The following NRM variants were observed in gnomAD, a reference collection of about 807,000 sequenced individuals.
The protein encoded by NRM is nurim.
NRM carries 19 observed loss-of-function variants against 23.4 expected under a neutral mutation model. The ratio of observed to expected loss-of-function variants is 0.81; its 90% CI spans 0.57 to 1.19. The LOEUF (loss-of-function observed/expected upper bound fraction) is 1.19, where lower values mean the gene tolerates loss of function less well. Among genes scored for constraint, NRM ranks in the 50% most tolerant of loss-of-function variants. The pLI is 0.00. For synonymous variants in NRM, 140 were observed against 143.5 expected, an observed-to-expected ratio of 0.98 and a Z score of 0.17; for missense variants, 232 against 329.7, an observed-to-expected ratio of 0.70 and a Z score of 2.30.
Position 30,690,686 on chromosome 6 carries a change from T to A in NRM, c.133+156A>T, listed in dbSNP as rs1263045065. 1.2e-6 allele frequency: 2 copies of A among 1,609,466 alleles called. No individual in the cohort carries two copies. The highest frequency in any genetic ancestry group is 2.7e-5 in the African/African-American group (2 of 74,956). On this transcript the variant is annotated intron_variant, in intron 1 of 3. Coordinates refer to ENST00000376421, the MANE Select transcript of NRM (RefSeq NM_001384369.1). This position sits in a 1 kb window ranked among gnomAD's most constrained non-coding sequence, Gnocchi z 5.5. ...AATCCTTGAGTTCCTAATTTAGAACTCAGGTCTCCCTCCCCTGTAGCTTCT... is the reference window on the plus strand; with the variant it reads ...AATCCTTGAGTTCCTAATTTAGAACACAGGTCTCCCTCCCCTGTAGCTTCT...
At position 30,690,928 on chromosome 6, in the gene NRM, A is replaced by C; in HGVS notation, c.47T>G (p.Ile16Ser). The change falls in exon 1 of 4, where the codon ATC becomes AGC. Residue 16 changes from isoleucine (I) to serine (S), a missense_variant. Coordinates refer to ENST00000376421, the MANE Select transcript of NRM (RefSeq NM_001384369.1). The surrounding 1 kb of genome is among the most constrained non-coding windows in gnomAD (Gnocchi z 5.5). ...LLIPAALASF[I>S]LAFGTGVEFV... ...CTCCACTCCGGTGCCAAAGGCCAGG[A>C]TGAAAGAGGCGAGGGCAGCAGGGAT... 6.5e-7 allele frequency: 1 copy of C among 1,548,556 alleles called. No individual in the cohort carries two copies. The highest frequency in any genetic ancestry group is 8.8e-7 in the Non-Finnish European group (1 of 1,139,402).
At position 30,688,624 on chromosome 6, in the gene NRM, G is replaced by A. The variant is rs764790055; in HGVS notation, c.*37C>T. The A allele has an allele frequency of 1.9e-6, 3 of 1,595,792 alleles. No individual in the cohort carries two copies. Among genetic ancestry groups the A allele is most frequent in the South Asian group, 1.1e-5 (1 of 88,678 alleles). On this transcript the variant is annotated 3_prime_UTR_variant, in exon 4 of 4. Coordinates refer to ENST00000376421, the MANE Select transcript of NRM (RefSeq NM_001384369.1). The surrounding 1 kb of genome is among the most constrained non-coding windows in gnomAD (Gnocchi z 5.9). The stretch of plus-strand genomic sequence containing the variant: ...ATGTTAAGGATTTAGAATTCAGTGG[G>A]AGAGGAAGAACAGGGCTTGTAACCA...
At position 30,690,766 on chromosome 6, in the gene NRM, C is replaced by A; in HGVS notation, c.133+76G>T. The A allele has an allele frequency of 6.2e-7, 1 of 1,611,876 alleles. No homozygotes were observed. The highest frequency in any genetic ancestry group is 8.5e-7 in the Non-Finnish European group (1 of 1,179,354). On this transcript the variant is annotated intron_variant, in intron 1 of 3. Coordinates refer to ENST00000376421, the MANE Select transcript of NRM (RefSeq NM_001384369.1). This position sits in a 1 kb window ranked among gnomAD's most constrained non-coding sequence, Gnocchi z 5.5. ...CTTGGACTTCCCCTGTCATTTGTTT[C>A]CAAGCCCCGCCCTCAATCCCTCTCC... is the stretch of plus-strand genomic sequence containing the variant.
At position 30,688,697 on chromosome 6, in the gene NRM, G is replaced by A; in HGVS notation, c.753C>T (p.His251=). 2 of 1,613,998 alleles carry A rather than the reference G, an allele frequency of 1.2e-6. No homozygotes were observed. Among genetic ancestry groups the A allele is most frequent in the Non-Finnish European group, 1.7e-6 (2 of 1,180,002 alleles). ...YLRAQLQRKL[H]LLSRPQDGEA... is the part of the protein sequence containing the mutation. ...CCCCATCCTGGGGCCGAGAGAGCAG[G>A]TGGAGTTTTCTTTGTAGCTGGGCCC... Residue 251 remains histidine, a synonymous_variant, in exon 4 of 4, where the codon CAC becomes CAT. Transcript: ENST00000376421. The surrounding 1 kb of genome is among the most constrained non-coding windows in gnomAD (Gnocchi z 5.9).
In NRM at chr6:30,688,653, T is replaced by C. The variant is rs750465852; in HGVS notation, c.*8A>G. ...GGAAGAACAGGGCTTGTAACCAGAGTGAGCTCCTCACTCTGCCTCCCCATC... is the reference window on the plus strand; with the variant it reads ...GGAAGAACAGGGCTTGTAACCAGAGCGAGCTCCTCACTCTGCCTCCCCATC... On this transcript the variant is annotated 3_prime_UTR_variant, in exon 4 of 4. Coordinates refer to ENST00000376421, the MANE Select transcript of NRM (RefSeq NM_001384369.1). The surrounding 1 kb of genome is among the most constrained non-coding windows in gnomAD (Gnocchi z 5.9). 1.2e-6 allele frequency: 2 copies of C among 1,611,860 alleles called. No individual in the cohort carries two copies. The highest frequency in any genetic ancestry group is 1.7e-6 in the Non-Finnish European group (2 of 1,178,784).
rs545001218 is a variant in NRM at position 30,689,324 on chromosome 6, A to G, written c.459T>C (p.Phe153=). The change falls in exon 3 of 4, where the codon TTT becomes TTC. Residue 153 remains phenylalanine (F), a synonymous_variant. Coordinates refer to ENST00000376421, the MANE Select transcript of NRM (RefSeq NM_001384369.1). This position sits in a 1 kb window ranked among gnomAD's most constrained non-coding sequence, Gnocchi z 4.7. ...CATAGTCAAAGACGAGAAGGATGCT[A>G]AAGATGAGGAGCCAGGAGATGACAT... ...VLHVISWLLI[F]SILLVFDYAE... is the part of the protein sequence containing the mutation. The G allele has an allele frequency of 2.6e-6, 4 of 1,555,646 alleles. No homozygotes were observed. In the African/African-American group the frequency reaches 4.1e-5, roughly 16 times the overall value.
rs775527234 is a variant in NRM, at chr6:30,690,227, C to G, written c.150G>C (p.Trp50Cys). 7.0e-6 allele frequency: 11 copies of G among 1,571,394 alleles called. No homozygotes were observed. Among genetic ancestry groups the G allele is most frequent in the Non-Finnish European group, 8.6e-6 (10 of 1,166,344 alleles). Reference protein sequence around the residue: ...ESGGPDARQGWLAALQDRSIL... With the variant: ...ESGGPDARQGCLAALQDRSIL... ...TGCTGCGGTCCTGCAGGGCAGCCAG[C>G]CATCCCTGGCGGGCATCTACAGGAA... The change falls in exon 2 of 4, where the codon TGG becomes TGC. Residue 50 changes from tryptophan (W) to cysteine (C), a missense_variant. Trp to Cys is a radical substitution (Grantham distance 215, BLOSUM62 -2). Transcript: ENST00000376421. This position sits in a 1 kb window ranked among gnomAD's most constrained non-coding sequence, Gnocchi z 5.5.
In NRM at chr6:30,688,523, A is replaced by G; in HGVS notation, c.*138T>C. 1 of 971,372 alleles carries G rather than the reference A, an allele frequency of 1.0e-6. No individual in the cohort carries two copies. Among genetic ancestry groups the G allele is most frequent in the South Asian group, 1.6e-5 (1 of 62,468 alleles). 60.2% of individuals were successfully genotyped at this position (971,372 alleles called of 1,614,324 possible). A position where few individuals can be genotyped will look rare whatever the true frequency, so the allele number is the denominator to read the frequency against. On this transcript the variant is annotated 3_prime_UTR_variant, in exon 4 of 4. Coordinates refer to ENST00000376421, the MANE Select transcript of NRM (RefSeq NM_001384369.1). This position sits in a 1 kb window ranked among gnomAD's most constrained non-coding sequence, Gnocchi z 5.9. Reference sequence around the variant, plus strand: ...GGTATGGAGCTGGACCCAGAGAATAAAGTCTCAAGTAGTAGAAGGGGCATC... The same window carrying G: ...GGTATGGAGCTGGACCCAGAGAATAGAGTCTCAAGTAGTAGAAGGGGCATC...
Position 30,688,758 on chromosome 6 carries a change from G to A in NRM, c.692C>T (p.Ala231Val), listed in dbSNP as rs1289238565. 1.2e-5 allele frequency: 20 copies of A among 1,613,866 alleles called. No individual in the cohort carries two copies. The highest frequency in any genetic ancestry group is 1.7e-5 in the Non-Finnish European group (20 of 1,180,010). The change falls in exon 4 of 4, where the codon GCT (alanine) becomes GTT (valine). Residue 231 changes from alanine (A) to valine (V), a missense_variant. By Grantham distance (64) the Ala-to-Val change is moderately conservative. Transcript: ENST00000376421. The surrounding 1 kb of genome is among the most constrained non-coding windows in gnomAD (Gnocchi z 5.9). ...AFLLTLYLGL[A>V]HGLDQQDLRY... ...GAGGTCTTGCTGATCAAGCCCGTGA[G>A]CCAGGCCCAGGTAGAGGGTAAGGAG...
Position 30,689,339 on chromosome 6 carries a change from G to C in NRM, c.444C>G (p.Ser148=). The C allele has an allele frequency of 6.4e-7, 1 of 1,556,788 alleles. No individual in the cohort carries two copies. The highest frequency in any genetic ancestry group is 8.7e-7 in the Non-Finnish European group (1 of 1,149,712). The change falls in exon 3 of 4, where the codon TCC becomes TCG. Residue 148 remains serine, a synonymous_variant. Transcript: ENST00000376421. This position sits in a 1 kb window ranked among gnomAD's most constrained non-coding sequence, Gnocchi z 4.7. Reference sequence around the variant, plus strand: ...GAAGGATGCTAAAGATGAGGAGCCAGGAGATGACATGGAGCACAAAGCAGA... The same window carrying C: ...GAAGGATGCTAAAGATGAGGAGCCACGAGATGACATGGAGCACAAAGCAGA... ...PLLCFVLHVI[S]WLLIFSILLV...
At position 30,688,808 on chromosome 6, in the gene NRM, G is replaced by T; in HGVS notation, c.642C>A (p.Gly214=). ...LTVLWVVPTL[G]TDRLLLAFLL... ...GGAAAGCAAGGAGGAGACGGTCCGT[G>T]CCCAGGGTAGGCACCACCCACAGCA... Residue 214 remains glycine, a synonymous_variant, in exon 4 of 4, where the codon GGC becomes GGA. Transcript: ENST00000376421. This position sits in a 1 kb window ranked among gnomAD's most constrained non-coding sequence, Gnocchi z 5.9. 5.0e-6 allele frequency: 8 copies of T among 1,613,926 alleles called. No individual in the cohort carries two copies. The highest frequency in any genetic ancestry group is 6.8e-6 in the Non-Finnish European group (8 of 1,180,006).
Position 30,690,917 on chromosome 6 carries a change from CA to C in NRM, c.57del (p.Phe19LeufsTer67), listed in dbSNP as rs1771575216. 6.5e-7 allele frequency: 1 copy of C among 1,548,584 alleles called. No homozygotes were observed. Among genetic ancestry groups the C allele is most frequent in the Non-Finnish European group, 8.8e-7 (1 of 1,140,042 alleles). Reference sequence around the variant, plus strand: ...AAGCGCACGAACTCCACTCCGGTGCCAAAGGCCAGGATGAAAGAGGCGAGGG... The same window carrying C: ...AAGCGCACGAACTCCACTCCGGTGCCAAGGCCAGGATGAAAGAGGCGAGGG... The part of the protein sequence containing the change: ...PAALASFILA[F>X]GTGVEFVRFT... On this transcript the variant is annotated frameshift_variant, in exon 1 of 4. Transcript: ENST00000376421. LOFTEE classifies it high-confidence loss of function. The surrounding 1 kb of genome is among the most constrained non-coding windows in gnomAD (Gnocchi z 5.5).
Position 30,690,573 on chromosome 6 carries a change from C to T in NRM, c.133+269G>A. On this transcript the variant is annotated intron_variant, in intron 1 of 3. Coordinates refer to ENST00000376421, the MANE Select transcript of NRM (RefSeq NM_001384369.1). This position sits in a 1 kb window ranked among gnomAD's most constrained non-coding sequence, Gnocchi z 5.5. ...TTTTAACACTCTCCTCTCAACAGTC[C>T]TCTCTACAAAACACTTTACTTAGAA... 1 of 1,543,356 alleles carries T rather than the reference C, an allele frequency of 6.5e-7. No individual in the cohort carries two copies. Among genetic ancestry groups the T allele is most frequent in the Admixed American group, 2.0e-5 (1 of 50,730 alleles).
Position 30,690,209 on chromosome 6 carries a change from G to T in NRM, c.168C>A (p.Asp56Glu). ...ARQGWLAALQ[D>E]RSILAPLAWD... Reference sequence around the variant, plus strand: ...ATGCCAGGGGGGCAAGGATGCTGCGGTCCTGCAGGGCAGCCAGCCATCCCT... The same window carrying T: ...ATGCCAGGGGGGCAAGGATGCTGCGTTCCTGCAGGGCAGCCAGCCATCCCT... The change falls in exon 2 of 4, where the codon GAC (aspartate) becomes GAA (glutamate). Residue 56 changes from aspartate to glutamate, a missense_variant. Transcript: ENST00000376421. The surrounding 1 kb of genome is among the most constrained non-coding windows in gnomAD (Gnocchi z 5.5). 1 of 1,588,370 alleles carries T rather than the reference G, an allele frequency of 6.3e-7. No homozygotes were observed. Among genetic ancestry groups the T allele is most frequent in the Non-Finnish European group, 8.5e-7 (1 of 1,172,836 alleles).
chr6:30,689,595 A>G lies in NRM; in HGVS notation c.331-143T>C. 1.2e-6 allele frequency: 1 copy of G among 821,506 alleles called. No homozygotes were observed. Among genetic ancestry groups the G allele is most frequent in the Non-Finnish European group, 1.9e-6 (1 of 534,264 alleles). 50.9% of individuals were successfully genotyped at this position (821,506 alleles called of 1,614,324 possible). ...TAAGCATCACCACCAAATATTCACC[A>G]TGTGGAGGGTGCGTGCTGGGTGAGG... On this transcript the variant is annotated intron_variant, in intron 2 of 3. Transcript: ENST00000376421. The surrounding 1 kb of genome is among the most constrained non-coding windows in gnomAD (Gnocchi z 4.7).
chr6:30,688,715 C>T lies in NRM; in HGVS notation c.735G>A (p.Gln245=). The T allele has an allele frequency of 6.2e-7, 1 of 1,613,994 alleles. No individual in the cohort carries two copies. The highest frequency in any genetic ancestry group is 8.5e-7 in the Non-Finnish European group (1 of 1,179,998). ...DQQDLRYLRA[Q]LQRKLHLLSR... ...AGAGCAGGTGGAGTTTTCTTTGTAGCTGGGCCCGGAGGTAGCGGAGGTCTT... is the reference window on the plus strand; with the variant it reads ...AGAGCAGGTGGAGTTTTCTTTGTAGTTGGGCCCGGAGGTAGCGGAGGTCTT... The change falls in exon 4 of 4, where the codon CAG becomes CAA. Residue 245 remains glutamine (Q), a synonymous_variant. Transcript: ENST00000376421. This position sits in a 1 kb window ranked among gnomAD's most constrained non-coding sequence, Gnocchi z 5.9.
chr6:30,688,437 C>T lies in NRM; in HGVS notation c.*224G>A, dbSNP rs1291917576. ...GAAGGGACAGATGACTTCCATACCC[C>T]ACTCTTCCTTGCTGGTGAGAAGTGG... On this transcript the variant is annotated 3_prime_UTR_variant, in exon 4 of 4. Coordinates refer to ENST00000376421, the MANE Select transcript of NRM (RefSeq NM_001384369.1). This position sits in a 1 kb window ranked among gnomAD's most constrained non-coding sequence, Gnocchi z 5.9. 5 of 603,912 alleles carry T rather than the reference C, an allele frequency of 8.3e-6. No homozygotes were observed. Among genetic ancestry groups the T allele is most frequent in the Middle Eastern group, 4.4e-4 (1 of 2,284 alleles). 37.4% of individuals were successfully genotyped at this position (603,912 alleles called of 1,614,324 possible).
chr6:30,689,395 C>T lies in NRM; in HGVS notation c.388G>A (p.Ala130Thr). Reference protein sequence around the residue: ...PKGPVLWEARAEPWATWVPLL... With the variant: ...PKGPVLWEARTEPWATWVPLL... ...GGCACCCAGGTGGCCCATGGCTCAG[C>T]CCGAGCCTCCCACAACACAGGGCCT... The change falls in exon 3 of 4, where the codon GCT becomes ACT. Residue 130 changes from alanine (A) to threonine (T), a missense_variant. By Grantham distance (58) the Ala-to-Thr change is moderately conservative (BLOSUM62 0). Transcript: ENST00000376421. This position sits in a 1 kb window ranked among gnomAD's most constrained non-coding sequence, Gnocchi z 4.7. 4 of 1,568,612 alleles carry T rather than the reference C, an allele frequency of 2.6e-6. No individual in the cohort carries two copies. The highest frequency in any genetic ancestry group is 1.2e-5 in the South Asian group (1 of 85,156).
rs959137230 is a variant in NRM, at chr6:30,690,674, C to T, written c.133+168G>A. Reference sequence around the variant, plus strand: ...CTCCAAAACTCTAATCCTTGAGTTCCTAATTTAGAACTCAGGTCTCCCTCC... The same window carrying T: ...CTCCAAAACTCTAATCCTTGAGTTCTTAATTTAGAACTCAGGTCTCCCTCC... On this transcript the variant is annotated intron_variant, in intron 1 of 3. Transcript: ENST00000376421. This position sits in a 1 kb window ranked among gnomAD's most constrained non-coding sequence, Gnocchi z 5.5. The T allele has an allele frequency of 1.2e-6, 2 of 1,606,878 alleles. No homozygotes were observed. Among genetic ancestry groups the T allele is most frequent in the South Asian group, 1.1e-5 (1 of 89,704 alleles).
Sources: gnomAD v4.1 joint callset for allele counts on GRCh38, gnomAD v4.1.1 for gene constraint, Gnocchi (gnomAD v3.1) non-coding constraint, MANE v1.5 for transcripts, NCBI Gene and HGNC (gene_info 2026-07-23, HGNC 2026-07-21) for gene names.